DRG2: variants seen among roughly 807,000 people sequenced by gnomAD.
DRG2 encodes developmentally regulated GTP binding protein 2.
A neutral mutation model predicts 53.4 loss-of-function variants in DRG2; 36 were observed. The ratio of observed to expected loss-of-function variants is 0.67; its 90% CI spans 0.52 to 0.89. DRG2 has a LOEUF of 0.89. Ranked by LOEUF, DRG2 falls within the 40% of genes least tolerant of loss-of-function variation. The pLI is 0.00. For synonymous variants in DRG2, 167 were observed against 192.1 expected (o/e 0.87, Z 1.08); for missense variants, 342 against 481.2 (o/e 0.71, Z 2.71).
chr17:18,103,714 G>C lies in DRG2; in HGVS notation c.807-87G>C. On this transcript the variant is annotated intron_variant, in intron 9 of 12. Coordinates refer to ENST00000225729, the MANE Select transcript of DRG2 (RefSeq NM_001388.5). This position sits in a 1 kb window ranked among gnomAD's most constrained non-coding sequence, Gnocchi z 4.4. ...CCAGCGGGCCACCTGGCCAGTGGAG[G>C]TTATCCGCTCCAATAGTGAGAAGTG... 3.1e-6 allele frequency: 4 copies of C among 1,305,546 alleles called. No homozygotes were observed. The highest frequency in any genetic ancestry group is 4.4e-6 in the Non-Finnish European group (4 of 904,488). The allele number at this position is 1,305,546 out of a possible 1,614,324, so 80.9% of individuals were successfully genotyped here.
Position 18,093,817 on chromosome 17 carries a change from T to C in DRG2, c.69T>C (p.Thr23=), listed in dbSNP as rs1213852967. 6.2e-7 allele frequency: 1 copy of C among 1,613,822 alleles called. No individual in the cohort carries two copies. The highest frequency in any genetic ancestry group is 8.5e-7 in the Non-Finnish European group (1 of 1,179,804). Residue 23 remains threonine, a synonymous_variant, in exon 2 of 13, where the codon ACT becomes ACC. Coordinates refer to ENST00000225729, the MANE Select transcript of DRG2 (RefSeq NM_001388.5). ...GTCTTGCTTTCCATCCTTTAGCCACTGAGTATCATCTGGGCCTGCTGAAAG... is the reference window on the plus strand; with the variant it reads ...GTCTTGCTTTCCATCCTTTAGCCACCGAGTATCATCTGGGCCTGCTGAAAG... ...EIARTQKNKA[T]EYHLGLLKAK... is the part of the protein sequence containing the mutation.
At position 18,099,707 on chromosome 17, in the gene DRG2, A is replaced by T. The variant is rs778854251; in HGVS notation, c.451A>T (p.Lys151Ter). ...DVIIMMLDAT[K>*]GEVQRSLLEK... ...CATCATCATGATGCTGGATGCCACC[A>T]AGGGAGAGGTGCAGAGGTCCGCAGG... The change falls in exon 5 of 13, where the codon AAG (lysine) becomes TAG (stop). Residue 151 changes from lysine (K) to a stop codon, truncating the protein, a stop_gained. Transcript: ENST00000225729. LOFTEE classifies it high-confidence loss of function. This position sits in a 1 kb window ranked among gnomAD's most constrained non-coding sequence, Gnocchi z 4.4. The T allele has an allele frequency of 6.2e-7, 1 of 1,605,382 alleles. No homozygotes were observed. The highest frequency in any genetic ancestry group is 1.1e-5 in the South Asian group (1 of 88,946).
In DRG2 at chr17:18,101,971, C is replaced by G. The variant is rs1487835856; in HGVS notation, c.780C>G (p.Ala260=). 21 of 1,611,724 alleles carry G rather than the reference C, an allele frequency of 1.3e-5. No individual in the cohort carries two copies. The highest frequency in any genetic ancestry group is 1.8e-5 in the Non-Finnish European group (21 of 1,178,866). ...QISMEEVDRL[A]RKPNSVVISC... is the part of the protein sequence containing the mutation. ...CCATGGAAGAGGTGGACCGCCTGGC[C>G]CGAAAACCCAACAGTGTGGTCATCA... is the stretch of plus-strand genomic sequence containing the variant. Residue 260 remains alanine, a synonymous_variant, in exon 9 of 13, where the codon GCC becomes GCG. Transcript: ENST00000225729.
intron 1 of DRG2, among the ~76,000 whole-genome samples, chr17:18,089,309 T>G (rs184010831): frequency 6.6e-6 from 1 of 152,244 alleles, no homozygotes; most frequent in Non-Finnish European, 1.5e-5. Context: ...GGCTAATTTT[T>G]GTATTTTTTT....
intron 2 of DRG2, 55 bp downstream of exon 2, chr17:18,094,028 AC>A: frequency 6.3e-7 from 1 of 1,576,420 alleles, no homozygotes. Context: ...CATCTTTCAA[AC>A]AGGTGACCAT....
chr17:18,093,047 G>A (rs999787655), intron 1 of DRG2, among the ~76,000 whole-genome samples: 6 of 152,182 alleles, frequency 3.9e-5, no homozygotes, highest in Middle Eastern at 3.2e-3. Context: ...TAGGCCTGGC[G>A]ATCCTAACCC....
In DRG2 at chr17:18,100,182, C is replaced by T; in HGVS notation, c.468-181C>T. 1 of 671,870 alleles carries T rather than the reference C, an allele frequency of 1.5e-6. No homozygotes were observed. The allele number at this position is 671,870 out of a possible 1,614,324, so 41.6% of individuals were successfully genotyped here. ...GGGCCAGTCCCCTCTGGGACTGTGG[C>T]AGAGTTTAGAAGTTCCCTGCAGCTC... On this transcript the variant is annotated intron_variant, in intron 5 of 12. Transcript: ENST00000225729. This position sits in a 1 kb window ranked among gnomAD's most constrained non-coding sequence, Gnocchi z 4.1.
rs774932971 is a variant in DRG2, at chr17:18,107,241, C to T, written c.*1C>T. ...CGTCATCCAGATCGTGAAGAAGTAACGGCGCCTGCCGGGCCTCCCGCCCAC... is the reference window on the plus strand; with the variant it reads ...CGTCATCCAGATCGTGAAGAAGTAATGGCGCCTGCCGGGCCTCCCGCCCAC... On this transcript the variant is annotated 3_prime_UTR_variant, in exon 13 of 13. Transcript: ENST00000225729. 11 of 1,612,030 alleles carry T rather than the reference C, an allele frequency of 6.8e-6. No individual in the cohort carries two copies. Among genetic ancestry groups the T allele is most frequent in the Middle Eastern group, 1.6e-4 (1 of 6,082 alleles).
chr17:18,105,400 C>A (rs1393365543), intron 11 of DRG2: 2 of 152,442 alleles, frequency 1.3e-5, no homozygotes. Context: ...CCCTGCAGCC[C>A]CTTAGGACAG....
chr17:18,106,244 C>CA, intron 11 of DRG2, 189 bp from the exon 12 acceptor site: 1 of 614,814 alleles, frequency 1.6e-6, no homozygotes. Context: ...GGGCCACCTG[C>CA]AGCTGTGATT....
At chr17:18,093,694 C>G in intron 1 of DRG2, 119 bp from the exon 2 acceptor site, 1 of 1,185,098 alleles carries the variant, frequency 8.4e-7, no homozygotes, top group Non-Finnish European at 1.2e-6. Flanking sequence ...TTTTTTTTCT[C>G]CTGATCTCCT....
chr17:18,100,272 C>T lies in DRG2; in HGVS notation c.468-91C>T. On this transcript the variant is annotated intron_variant, in intron 5 of 12. Transcript: ENST00000225729. The surrounding 1 kb of genome is among the most constrained non-coding windows in gnomAD (Gnocchi z 4.1). ...AGGGGGTGGAGGAGAGAGTCAGTCT[C>T]TGGGTGGGCAGTGACATCCTGCGTA... is the stretch of plus-strand genomic sequence containing the variant. 1 of 1,332,668 alleles carries T rather than the reference C, an allele frequency of 7.5e-7. No individual in the cohort carries two copies. 82.6% of individuals were successfully genotyped at this position (1,332,668 alleles called of 1,614,324 possible). A position where few individuals can be genotyped will look rare whatever the true frequency, so the allele number is the denominator to read the frequency against.
intron 2 of DRG2, among the ~76,000 whole-genome samples, chr17:18,094,619 C>T (rs984003522): frequency 3.3e-5 from 5 of 152,036 alleles, no homozygotes; most frequent in African/African-American, 7.2e-5. Context: ...GAGAGGATAG[C>T]GGCATATGGG....
chr17:18,095,551 C>T (rs1427269977), intron 2 of DRG2: 3 of 151,834 alleles, frequency 2.0e-5, no homozygotes, highest in African/African-American at 4.8e-5. Flanking sequence ...TGCACCACCC[C>T]GCCCGGCTAA....
chr17:18,091,596 C>T (rs991068042), intron 1 of DRG2, among the ~76,000 whole-genome samples: 7 of 152,096 alleles, frequency 4.6e-5, no homozygotes, highest in African/African-American at 1.4e-4. Context: ...GTGGCTCACA[C>T]CTGTAATTCC....
At position 18,099,751 on chromosome 17, in the gene DRG2, T is replaced by C. The variant is rs1353891715; in HGVS notation, c.467+28T>C. On this transcript the variant is annotated intron_variant, in intron 5 of 12. Coordinates refer to ENST00000225729, the MANE Select transcript of DRG2 (RefSeq NM_001388.5). This position sits in a 1 kb window ranked among gnomAD's most constrained non-coding sequence, Gnocchi z 4.4. ...CCGCAGGGTGGGGCATGGGGCAGGCTCACATGTCTGGGGAGGGCCAATGTG... is the reference window on the plus strand; with the variant it reads ...CCGCAGGGTGGGGCATGGGGCAGGCCCACATGTCTGGGGAGGGCCAATGTG... 12 of 1,578,944 alleles carry C rather than the reference T, an allele frequency of 7.6e-6. No homozygotes were observed. The highest frequency in any genetic ancestry group is 9.5e-6 in the Non-Finnish European group (11 of 1,163,032).
chr17:18,104,379 G>A (rs1347848501), intron 10 of DRG2, among the ~76,000 whole-genome samples: 1 of 152,226 alleles, frequency 6.6e-6, no homozygotes, highest in African/African-American at 2.4e-5. Flanking sequence ...TGCTGTCACA[G>A]CAGATGGGTG....
chr17:18,094,593 A>G, intron 2 of DRG2, among the ~76,000 whole-genome samples: 1 of 152,172 alleles, frequency 6.6e-6, no homozygotes, highest in East Asian at 1.9e-4. Context: ...GAGGAGCACA[A>G]GGAGGGCAGA....
rs776260806 is a variant in DRG2, at chr17:18,107,229, G to A, written c.1084G>A (p.Val362Met). 19 of 1,613,096 alleles carry A rather than the reference G, an allele frequency of 1.2e-5. No individual in the cohort carries two copies. The highest frequency in any genetic ancestry group is 6.7e-5 in the Admixed American group (4 of 60,022). The stretch of plus-strand genomic sequence containing the variant: ...GGAGCATGAGGACGTCATCCAGATC[G>A]TGAAGAAGTAACGGCGCCTGCCGGG... ...TMEHEDVIQIVKK is the reference protein window; with the variant it reads ...TMEHEDVIQIMKK The change falls in exon 13 of 13, where the codon GTG becomes ATG. Residue 362 changes from valine (V) to methionine (M), a missense_variant. Coordinates refer to ENST00000225729, the MANE Select transcript of DRG2 (RefSeq NM_001388.5).
Sources: gnomAD v4.1 joint callset for allele counts (sites outside exome capture counted in the v4.1 genomes callset) on GRCh38, gnomAD v4.1.1 for gene constraint, Gnocchi (gnomAD v3.1) non-coding constraint, MANE v1.5 for transcripts, NCBI Gene and HGNC (gene_info 2026-07-23, HGNC 2026-07-21) for gene names.